Variants in STAB2 observed in about 807,000 individuals in gnomAD.
STAB2 encodes stabilin-2.
In STAB2, 288 loss-of-function variants were observed where a neutral mutation model predicts 338.1. The ratio of observed to expected loss-of-function variants is 0.85; its 90% CI spans 0.77 to 0.94. The LOEUF is 0.94. Among genes scored for constraint, STAB2 ranks in the 40% least tolerant of loss-of-function variants. STAB2 has a pLI of 0.00. For missense variants in STAB2, 3,141 were observed against 3,210.1 expected (o/e 0.98, Z 0.52); for synonymous variants, 1,202 against 1,193.3 (o/e 1.01, Z -0.15).
intron 25 of STAB2, among the ~76,000 whole-genome samples, chr12:103,677,818 T>G (rs1876530016): frequency 6.6e-6 from 1 of 152,236 alleles, no homozygotes; most frequent in African/African-American, 2.4e-5. Context: ...AATGAGAAGC[T>G]ATTTGCATAA....
At chr12:103,641,846 A>G (rs559760141) in intron 9 of STAB2, among the ~76,000 whole-genome samples, 2 of 152,210 alleles carry the variant, frequency 1.3e-5, no homozygotes, top group African/African-American at 4.8e-5. Flanking sequence ...CTTCAGCCAA[A>G]AAAAGGCCTA....
At chr12:103,622,211 A>G in intron 5 of STAB2, 100 bp downstream of exon 5, 2 of 1,256,458 alleles carry the variant, frequency 1.6e-6, no homozygotes, top group Non-Finnish European at 2.2e-6. Flanking sequence ...TATGTGTGAT[A>G]AAAAAGAAAT....
intron 3 of STAB2, among the ~76,000 whole-genome samples, chr12:103,603,105 C>G (rs971122187): frequency 2.6e-5 from 4 of 152,094 alleles, no homozygotes; most frequent in African/African-American, 9.7e-5. Context: ...GAGTCTCGCT[C>G]TGTTGCCCAG....
intron 42 of STAB2, among the ~76,000 whole-genome samples, chr12:103,714,130 C>T (rs74524269): frequency 0.025 from 3,842 of 152,254 alleles, 164 homozygotes; most frequent in African/African-American, 0.088. Flanking sequence ...ATTGTCATTA[C>T]CCCATTTTGC....
intron 44 of STAB2, among the ~76,000 whole-genome samples, chr12:103,721,286 C>A (rs1002574192): frequency 6.6e-6 from 1 of 152,160 alleles, no homozygotes; most frequent in Non-Finnish European, 1.5e-5. Context: ...AAGAAGCGGG[C>A]AGCCACATGA....
intron 3 of STAB2, among the ~76,000 whole-genome samples, chr12:103,614,822 C>A (rs931254758): frequency 6.6e-6 from 1 of 152,186 alleles, no homozygotes; most frequent in South Asian, 2.1e-4. Context: ...ATAAATTTGT[C>A]GAGCACACCC....
intron 15 of STAB2, among the ~76,000 whole-genome samples, chr12:103,660,087 C>T (rs1011564762): frequency 3.3e-5 from 5 of 152,184 alleles, no homozygotes; most frequent in African/African-American, 1.2e-4. Flanking sequence ...GGAGTCCCCA[C>T]CTCACACGGC....
At chr12:103,754,586 G>A (rs1182224097) in intron 61 of STAB2, among the ~76,000 whole-genome samples, 1 of 152,106 alleles carries the variant, frequency 6.6e-6, no homozygotes, top group African/African-American at 2.4e-5. Context: ...TGATAATGGT[G>A]GTGGTGATGA....
At position 103,689,277 on chromosome 12, in the gene STAB2, G is replaced by A. The variant is rs370023314; in HGVS notation, c.3046-569G>A. On this transcript the variant is annotated intron_variant, in intron 28 of 68. Coordinates refer to ENST00000388887, the MANE Select transcript of STAB2 (RefSeq NM_017564.10). ...GTGGGTGGATCAGGTGAGGTTAGGC[G>A]TTCAAGACTAGCCTGGCCAACATCG... 1.1e-4 allele frequency among the ~76,000 whole-genome samples: 17 copies of A among 152,224 alleles called. No individual in the cohort carries two copies. In the East Asian group the frequency reaches 1.7e-3, roughly 16 times the overall value.
chr12:103,668,891 T>C (rs1290712718), intron 20 of STAB2, 162 bp downstream of exon 20: 2 of 614,116 alleles, frequency 3.3e-6, no homozygotes, highest in Non-Finnish European at 5.6e-6. Context: ...GTGGCCAGAC[T>C]CTGTCCTTTC....
At chr12:103,650,748 A>G (rs1162907340) in intron 11 of STAB2, among the ~76,000 whole-genome samples, 170 bp downstream of exon 11, 12 of 152,236 alleles carry the variant, frequency 7.9e-5, no homozygotes, top group Admixed American at 7.8e-4. Context: ...CCTTACAGAA[A>G]GTATACAAAT....
chr12:103,671,026 T>C (rs928558341), intron 22 of STAB2, among the ~76,000 whole-genome samples: 5 of 152,160 alleles, frequency 3.3e-5, no homozygotes, highest in African/African-American at 1.2e-4. Context: ...TAGGCCCCAA[T>C]GGGTCTTCAG....
chr12:103,667,377 C>T (rs1875211822), intron 19 of STAB2, among the ~76,000 whole-genome samples: 1 of 152,266 alleles, frequency 6.6e-6, no homozygotes, highest in East Asian at 1.9e-4. Context: ...AGCAGCCCCA[C>T]GAGGTGGGTA....
At chr12:103,647,200 AG>A (rs1412483580) in intron 9 of STAB2, among the ~76,000 whole-genome samples, 1 of 152,232 alleles carries the variant, frequency 6.6e-6, no homozygotes, top group African/African-American at 2.4e-5. Flanking sequence ...ATGGGCAAAA[AG>A]ACCAGGTTGA....
At chr12:103,727,400 G>A in intron 47 of STAB2, 50 bp downstream of exon 47, 1 of 1,597,216 alleles carries the variant, frequency 6.3e-7, no homozygotes, top group Non-Finnish European at 8.6e-7. Flanking sequence ...CTGGAACATA[G>A]TCCTTGGGCC....
chr12:103,631,828 T>A, intron 6 of STAB2, 135 bp downstream of exon 6: 8 of 721,852 alleles, frequency 1.1e-5, no homozygotes, highest in South Asian at 3.9e-5. Context: ...AAACTAGAAA[T>A]TAAAAAGAGA....
chr12:103,601,780 T>C (rs777662541), intron 3 of STAB2, among the ~76,000 whole-genome samples: 6 of 152,222 alleles, frequency 3.9e-5, no homozygotes, highest in Admixed American at 6.5e-5. Flanking sequence ...TAACTTACCT[T>C]GTGTTTAAAA....
At chr12:103,596,069 A>G (rs1201426278) in intron 3 of STAB2, among the ~76,000 whole-genome samples, 2 of 152,206 alleles carry the variant, frequency 1.3e-5, no homozygotes, top group African/African-American at 4.8e-5. Context: ...GCAAATAAGA[A>G]TCAGGTGTCT....
chr12:103,650,862 C>A (rs1282418644), intron 11 of STAB2, among the ~76,000 whole-genome samples: 1 of 152,210 alleles, frequency 6.6e-6, no homozygotes, highest in Admixed American at 6.5e-5. Context: ...CCTTTCCAAT[C>A]ATTACCCTCT....
Sources: gnomAD v4.1 joint callset for allele counts (sites outside exome capture counted in the v4.1 genomes callset) on GRCh38, gnomAD v4.1.1 for gene constraint, MANE v1.5 for transcripts, NCBI Gene and HGNC (gene_info 2026-07-23, HGNC 2026-07-21) for gene names.